Variants in SEMA3A observed in about 807,000 individuals in gnomAD.
SEMA3A encodes semaphorin-3A.
SEMA3A carries 29 observed loss-of-function variants against 97.9 expected under a neutral mutation model. That is an observed-to-expected ratio of 0.30 (90% confidence interval 0.22 to 0.40). SEMA3A has a LOEUF of 0.40. Among genes scored for constraint, SEMA3A ranks in the 10% least tolerant of loss-of-function variants. SEMA3A has a pLI of 1.00. For synonymous variants in SEMA3A, 321 were observed against 323.7 expected (o/e 0.99, Z 0.09); for missense variants, 763 against 951.3 (o/e 0.80, Z 2.60).
At position 84,462,498 on chromosome 7, in the gene SEMA3A, C is replaced by T. The variant is rs1264595612; in HGVS notation, c.-246+29962G>A. On this transcript the variant is annotated intron_variant, in intron 1 of 3. Transcript: ENST00000424555. ...TGACACTAGCTCCACAGGATCATTA[C>T]AGACTCTTATTTTTGAAATTAGAAT... Among the ~76,000 whole-genome samples the T allele has an allele frequency of 3.9e-5, 6 of 152,282 alleles. No individual in the cohort carries two copies. In the East Asian group the frequency reaches 1.2e-3, roughly 29 times the overall value.
At position 84,422,326 on chromosome 7, in the gene SEMA3A, G is replaced by A. The variant is rs149059058; in HGVS notation, c.-245-50426C>T. ...GCCTAGAGGTGTTTATAGTATTCTC[G>A]GATGGTAGTTTGTATTTCTGTGGGA... is the stretch of plus-strand genomic sequence containing the variant. On this transcript the variant is annotated intron_variant, in intron 1 of 3. Coordinates refer to the SEMA3A transcript ENST00000424555. 5.8e-3 allele frequency among the ~76,000 whole-genome samples: 884 copies of A among 151,626 alleles called. 9 individuals are homozygous for A. Among genetic ancestry groups the A allele is most frequent in the African/African-American group, 0.02 (824 of 41,374 alleles).
At chr7:84,470,543 C>T (rs947641755) in intron 1 of SEMA3A, among the ~76,000 whole-genome samples, 10 of 151,978 alleles carry the variant, frequency 6.6e-5, no homozygotes, top group African/African-American at 1.7e-4. Flanking sequence ...TTACCTTTGC[C>T]GTGCCCTAGT....
At chr7:84,043,699 A>G (rs187526607) in intron 6 of SEMA3A, among the ~76,000 whole-genome samples, 1 of 152,202 alleles carries the variant, frequency 6.6e-6, no homozygotes, top group Admixed American at 6.6e-5. Flanking sequence ...TTCTATCCCA[A>G]ACATATCTGT....
At chr7:84,482,792 T>C (rs1221470755) in intron 1 of SEMA3A, among the ~76,000 whole-genome samples, 2 of 152,042 alleles carry the variant, frequency 1.3e-5, no homozygotes, top group Non-Finnish European at 2.9e-5. Context: ...TGAGTTTTGG[T>C]AGAAAATCCC....
intron 1 of SEMA3A, among the ~76,000 whole-genome samples, chr7:84,420,903 TC>T (rs575174393): frequency 6.6e-5 from 10 of 151,978 alleles, no homozygotes; most frequent in African/African-American, 2.2e-4. Flanking sequence ...GGTCTGGCTA[TC>T]CATCTATCTA....
At chr7:83,999,602 CTG>C (rs1790357929) in intron 12 of SEMA3A, among the ~76,000 whole-genome samples, 2 of 152,048 alleles carry the variant, frequency 1.3e-5, no homozygotes, top group Admixed American at 1.3e-4. Context: ...GTGTTCATCT[CTG>C]TATCACCAGA....
chr7:84,280,835 T>A (rs1473272963), intron 3 of SEMA3A, among the ~76,000 whole-genome samples: 1 of 152,192 alleles, frequency 6.6e-6, no homozygotes, highest in African/African-American at 2.4e-5. Context: ...AAAAATTGCA[T>A]TGGCATTTTT....
chr7:84,012,168 TTTAA>T (rs1477453813), intron 7 of SEMA3A, among the ~76,000 whole-genome samples: 3 of 152,158 alleles, frequency 2.0e-5, no homozygotes, highest in Non-Finnish European at 2.9e-5. Context: ...ACACCATGAC[TTTAA>T]TTAATAAAAA....
At chr7:84,054,881 T>C (rs1379660776) in intron 5 of SEMA3A, among the ~76,000 whole-genome samples, 1 of 151,220 alleles carries the variant, frequency 6.6e-6, no homozygotes, top group African/African-American at 2.4e-5. Flanking sequence ...GATGGGTTTT[T>C]GGTGTGGATG....
Position 84,194,662 on chromosome 7 carries a change from C to T in SEMA3A, c.-76G>A, listed in dbSNP as rs1366768895. ...GTGCGGCCAGAGAAGTTCAAACAATCTGGAAACTGGAGGTAACAGGTGATT... is the reference window on the plus strand; with the variant it reads ...GTGCGGCCAGAGAAGTTCAAACAATTTGGAAACTGGAGGTAACAGGTGATT... On this transcript the variant is annotated 5_prime_UTR_variant, in exon 1 of 17. Transcript: ENST00000265362. 1.1e-6 allele frequency: 1 copy of T among 886,758 alleles called. No homozygotes were observed. Among genetic ancestry groups the T allele is most frequent in the African/African-American group, 1.7e-5 (1 of 59,618 alleles). The allele number at this position is 886,758 out of a possible 1,614,324, so 54.9% of individuals were successfully genotyped here.
In SEMA3A at chr7:84,117,220, C is replaced by T. The variant is rs534380122; in HGVS notation, c.334-6631G>A. 8.1e-4 allele frequency among the ~76,000 whole-genome samples: 123 copies of T among 152,136 alleles called. 1 individual carries two copies. Among genetic ancestry groups the T allele is most frequent in the African/African-American group, 2.8e-3 (116 of 41,502 alleles). ...TATCAACTTGTAGAAATAATTTATG[C>T]ACACATTTAAATTTCAGAAATTTGG... On this transcript the variant is annotated intron_variant, in intron 3 of 16. Transcript: ENST00000265362.
intron 2 of SEMA3A, among the ~76,000 whole-genome samples, chr7:84,350,766 A>C (rs368893698): frequency 6.6e-6 from 1 of 152,078 alleles, no homozygotes; most frequent in East Asian, 1.9e-4. Flanking sequence ...TAAATCCTTA[A>C]ATTCTATATG....
At chr7:84,377,509 G>C (rs1301753274) in intron 1 of SEMA3A, among the ~76,000 whole-genome samples, 1 of 152,100 alleles carries the variant, frequency 6.6e-6, no homozygotes, top group East Asian at 1.9e-4. Context: ...CTATAGCTTT[G>C]TAGTAAATTT....
rs1799317202 is a variant in SEMA3A, at chr7:84,239,770, C to A, written c.-82-45102G>T. On this transcript the variant is annotated intron_variant, in intron 3 of 3. Coordinates refer to the SEMA3A transcript ENST00000424555. ...AATTTTTACCATCTTTGGAGGCCAT[C>A]TTAATGAAACTGATTTTGTGAATGT... Among the ~76,000 whole-genome samples the A allele has an allele frequency of 2.0e-5, 3 of 152,190 alleles. No individual in the cohort carries two copies. In the South Asian group the frequency reaches 6.2e-4, roughly 32 times the overall value.
At chr7:84,323,658 T>A (rs1801706222) in intron 2 of SEMA3A, among the ~76,000 whole-genome samples, 2 of 152,150 alleles carry the variant, frequency 1.3e-5, no homozygotes, top group Admixed American at 1.3e-4. Context: ...TACAATGAAC[T>A]ATAGTTCTTT....
intron 1 of SEMA3A, among the ~76,000 whole-genome samples, chr7:84,191,616 A>G (rs1457263459): frequency 6.6e-6 from 1 of 151,912 alleles, no homozygotes; most frequent in Non-Finnish European, 1.5e-5. Flanking sequence ...TTTGTAGAAG[A>G]AATAAACATT....
chr7:84,201,534 T>TA (rs1418359907), intron 3 of SEMA3A, among the ~76,000 whole-genome samples: 1 of 152,098 alleles, frequency 6.6e-6, no homozygotes, highest in African/African-American at 2.4e-5. Flanking sequence ...AGTAGCATTA[T>TA]ATTCCAGGTT....
intron 3 of SEMA3A, among the ~76,000 whole-genome samples, chr7:84,230,748 T>C (rs1232596965): frequency 6.6e-6 from 1 of 152,032 alleles, no homozygotes; most frequent in Non-Finnish European, 1.5e-5. Context: ...GCTTGTAATC[T>C]TGATTACACA....
At chr7:84,056,158 ATTCT>A (rs1160336241) in intron 5 of SEMA3A, among the ~76,000 whole-genome samples, 1 of 152,224 alleles carries the variant, frequency 6.6e-6, no homozygotes, top group African/African-American at 2.4e-5. Flanking sequence ...GGATACGACC[ATTCT>A]TTCTTAACTG....
Sources: gnomAD v4.1 joint callset for allele counts (sites outside exome capture counted in the v4.1 genomes callset) on GRCh38, gnomAD v4.1.1 for gene constraint, MANE v1.5 for transcripts, NCBI Gene and HGNC (gene_info 2026-07-23, HGNC 2026-07-21) for gene names.